NCF4: variants seen among roughly 807,000 people sequenced by gnomAD.
The protein encoded by NCF4 is neutrophil cytosol factor 4.
Under a neutral mutation model 41.7 loss-of-function variants are expected in NCF4, and 30 were observed. The ratio of observed to expected loss-of-function variants is 0.72; its 90% confidence interval spans 0.54 to 0.97. The LOEUF is 0.97. NCF4 is among the 50% of genes least tolerant of loss of function. The pLI is 0.00. For synonymous variants in NCF4, 195 were observed against 175.8 expected (o/e 1.11, Z -0.87); for missense variants, 432 against 460.9 (o/e 0.94, Z 0.57).
At chr22:36,874,812 G>A (rs548923532) in intron 7 of NCF4, among the ~76,000 whole-genome samples, 2 of 152,338 alleles carry the variant, frequency 1.3e-5, no homozygotes, top group Admixed American at 1.3e-4. Flanking sequence ...GTCTAGAGTA[G>A]AGGCACAGTT....
intron 4 of NCF4, among the ~76,000 whole-genome samples, chr22:36,867,799 T>G (rs1397718498): frequency 1.3e-5 from 2 of 152,210 alleles, no homozygotes; most frequent in African/African-American, 4.8e-5. Flanking sequence ...AGGTACCCAC[T>G]GTCCTATGGG....
chr22:36,863,934 C>A, intron 1 of NCF4, 111 bp from the exon 2 acceptor site: 2 of 1,026,996 alleles, frequency 1.9e-6, no homozygotes, highest in South Asian at 1.3e-5. Context: ...TGCTGAGAGA[C>A]GAATGTTGGC....
intron 4 of NCF4, 161 bp from the exon 5 acceptor site, chr22:36,870,254 A>G: frequency 5.8e-6 from 6 of 1,027,286 alleles, no homozygotes; most frequent in Non-Finnish European, 7.3e-6. Context: ...CAGCATGCTG[A>G]GTTTTCTTAT....
At chr22:36,863,852 C>T (rs1569110062) in intron 1 of NCF4, among the ~76,000 whole-genome samples, 193 bp from the exon 2 acceptor site, 1 of 151,956 alleles carries the variant, frequency 6.6e-6, no homozygotes, top group South Asian at 2.1e-4. Context: ...CATTCCTGCA[C>T]TCAAGGCCTG....
chr22:36,873,064 A>AAGGTTGGAGGTGAGGATGGAGGTG (rs1940116070), intron 7 of NCF4, among the ~76,000 whole-genome samples: 3 of 50,110 alleles, frequency 6.0e-5, no homozygotes, highest in African/African-American at 1.6e-4. Context: ...GATTGGAGGT[A>AAGGTTGGAGGTGAGGATGGAGGTG]AGGTTGGAGG....
At chr22:36,869,019 C>G (rs35851878) in intron 4 of NCF4, among the ~76,000 whole-genome samples, 11,010 of 152,244 alleles carry the variant, frequency 0.072, 494 homozygotes, top group Middle Eastern at 0.16. Context: ...ATGACAACTG[C>G]CTGGAACTGC....
chr22:36,876,686 TG>T (rs1940200928), intron 9 of NCF4, among the ~76,000 whole-genome samples: 2 of 152,234 alleles, frequency 1.3e-5, no homozygotes, highest in Admixed American at 1.3e-4. Flanking sequence ...ATCATTAACA[TG>T]GCCATGCGCT....
At chr22:36,870,197 C>T (rs1365272574) in intron 4 of NCF4, 10 of 645,974 alleles carry the variant, frequency 1.5e-5, no homozygotes, top group Admixed American at 2.5e-5. Context: ...CCCCTGGTCC[C>T]TCTCCTGACC....
chr22:36,870,107 G>A (rs970122057), intron 4 of NCF4: 8 of 419,766 alleles, frequency 1.9e-5, no homozygotes, highest in Admixed American at 3.5e-5. Flanking sequence ...TAAAGTCACC[G>A]CCGGGTCATG....
In NCF4 at chr22:36,870,316, G is replaced by A. The variant is rs907626253; in HGVS notation, c.343-99G>A. 8.5e-6 allele frequency: 13 copies of A among 1,525,494 alleles called. No homozygotes were observed. The African/African-American group carries it at 1.4e-4, about 16-fold the overall frequency. 94.5% of individuals were successfully genotyped at this position (1,525,494 alleles called of 1,614,324 possible). A position where few individuals can be genotyped will look rare whatever the true frequency, so the allele number is the denominator to read the frequency against. On this transcript the variant is annotated intron_variant, in intron 4 of 9. Coordinates refer to ENST00000248899, the MANE Select transcript of NCF4 (RefSeq NM_000631.5). Reference sequence around the variant, plus strand: ...CAGGCATCATGCATTAGTAAAGAGAGGAGGGCTGATGTCAGGGCTCGGGGA... The same window carrying A: ...CAGGCATCATGCATTAGTAAAGAGAAGAGGGCTGATGTCAGGGCTCGGGGA...
chr22:36,867,176 A>C (rs1939948040), intron 3 of NCF4, among the ~76,000 whole-genome samples: 1 of 151,686 alleles, frequency 6.6e-6, no homozygotes, highest in African/African-American at 2.4e-5. Flanking sequence ...ATAAAAAAGT[A>C]AGACAAGAAA....
intron 1 of NCF4, among the ~76,000 whole-genome samples, chr22:36,863,801 C>A (rs1025052711): frequency 1.8e-4 from 28 of 151,766 alleles, no homozygotes; most frequent in African/African-American, 6.5e-4. Flanking sequence ...AATATGGCCA[C>A]CAGCTTCCCA....
Position 36,867,414 on chromosome 22 carries a change from A to G in NCF4, c.294A>G (p.Lys98=). ...TLPAKVYVGV[K]QEIAEMRIPA... ...CAGCCAAAGTCTACGTGGGTGTGAA[A>G]CAGGAGATCGCCGAGATGCGGATAC... The change falls in exon 4 of 10, where the codon AAA becomes AAG. Residue 98 remains lysine, a synonymous_variant. Transcript: ENST00000248899. 1 of 1,614,170 alleles carries G rather than the reference A, an allele frequency of 6.2e-7. No homozygotes were observed. The highest frequency in any genetic ancestry group is 8.5e-7 in the Non-Finnish European group (1 of 1,180,024).
intron 7 of NCF4, 86 bp from the exon 8 acceptor site, chr22:36,875,567 A>C: frequency 7.8e-7 from 1 of 1,287,100 alleles, no homozygotes; most frequent in South Asian, 1.2e-5. Flanking sequence ...GCCTTTCCCC[A>C]TCACTAGAAC....
chr22:36,869,691 T>C (rs1940007016), intron 4 of NCF4, among the ~76,000 whole-genome samples: 3 of 152,136 alleles, frequency 2.0e-5, no homozygotes, highest in South Asian at 4.1e-4. Context: ...TCCTCACAGC[T>C]TCAAAGTCTT....
At chr22:36,866,697 T>A in intron 3 of NCF4, among the ~76,000 whole-genome samples, 1 of 152,058 alleles carries the variant, frequency 6.6e-6, no homozygotes, top group East Asian at 1.9e-4. Context: ...CTCGTAGGGG[T>A]TCTCTTGGTG....
chr22:36,871,659 G>A lies in NCF4; in HGVS notation c.478G>A (p.Val160Met), dbSNP rs150103256. 1.1e-3 allele frequency: 1,774 copies of A among 1,570,010 alleles called. 11 individuals carry two copies. Among genetic ancestry groups the A allele is most frequent in the South Asian group, 7.0e-3 (599 of 85,478 alleles). ...CCTCTTCTCTCTCCACAGCAAGAGC[G>A]TGTCCCCACAGGGCAACAGCGTTGA... The part of the protein sequence containing the change: ...LRPRTRKVKS[V>M]SPQGNSVDRM... The change falls in exon 6 of 10, where the codon GTG (valine) becomes ATG (methionine). Residue 160 changes from valine to methionine, a missense_variant. Physicochemically the swap from Val to Met is conservative, Grantham distance 21 (BLOSUM62 1). Coordinates refer to ENST00000248899, the MANE Select transcript of NCF4 (RefSeq NM_000631.5).
At chr22:36,867,302 C>T in intron 3 of NCF4, 90 bp from the exon 4 acceptor site, 2 of 1,388,270 alleles carry the variant, frequency 1.4e-6, no homozygotes, top group Admixed American at 3.5e-5. Context: ...GGAAGGGGCT[C>T]TGGCCAGGGT....
chr22:36,863,063 G>T (rs1158417153), intron 1 of NCF4, among the ~76,000 whole-genome samples: 1 of 152,304 alleles, frequency 6.6e-6, no homozygotes, highest in African/African-American at 2.4e-5. Flanking sequence ...GGGGACTTCC[G>T]GTTGGGTTTG....
Sources: gnomAD v4.1 joint callset for allele counts (sites outside exome capture counted in the v4.1 genomes callset) on GRCh38, gnomAD v4.1.1 for gene constraint, MANE v1.5 for transcripts, NCBI Gene and HGNC (gene_info 2026-07-23, HGNC 2026-07-21) for gene names.